Variants in COL22A1 observed in about 807,000 individuals in gnomAD.
The protein encoded by COL22A1 is collagen alpha-1(XXII) chain.
COL22A1 carries 221 observed loss-of-function variants against 248.9 expected under a neutral mutation model. The observed-to-expected ratio is 0.89, with a 90% CI of 0.80 to 0.99. The LOEUF (loss-of-function observed/expected upper bound fraction) is 0.99, where lower values mean the gene tolerates loss of function less well. COL22A1 is among the 50% of genes least tolerant of loss of function. The probability of loss-of-function intolerance (pLI) is 0.00; values close to 1 mark genes in which losing one functional copy is unlikely to be tolerated. For missense variants in COL22A1, 2,240 were observed against 2,179.0 expected (o/e 1.03, Z -0.56); for synonymous variants, 891 against 793.4 (o/e 1.12, Z -2.07).
At chr8:138,754,483 A>G (rs1163834147) in intron 21 of COL22A1, among the ~76,000 whole-genome samples, 1 of 152,260 alleles carries the variant, frequency 6.6e-6, no homozygotes. Flanking sequence ...ATGTTCATTT[A>G]TAAGTCAGTT....
In COL22A1 at chr8:138,688,979, A is replaced by T. The variant is rs1379452682; in HGVS notation, c.2809-9T>A. ...CTGAGGCCGGGAGCACCCTGTGGCA[A>T]GGAAGATTACGGACATGGTGAATTT... is the stretch of plus-strand genomic sequence containing the variant. On this transcript the variant is annotated splice_polypyrimidine_tract_variant and intron_variant, in intron 36 of 64. Transcript: ENST00000303045. The T allele has an allele frequency of 1.2e-6, 2 of 1,611,340 alleles. No individual in the cohort carries two copies. Among genetic ancestry groups the T allele is most frequent in the Admixed American group, 3.3e-5 (2 of 60,004 alleles).
rs551653462 is a variant in COL22A1 at position 138,881,236 on chromosome 8, G to A, written c.91+1846C>T. 2.3e-3 allele frequency among the ~76,000 whole-genome samples: 340 copies of A among 145,784 alleles called. 2 individuals are homozygous for A. The highest frequency in any genetic ancestry group is 3.8e-3 in the South Asian group (17 of 4,498). On this transcript the variant is annotated intron_variant, in intron 2 of 64. Coordinates refer to ENST00000303045, the MANE Select transcript of COL22A1 (RefSeq NM_152888.3). ...GGCACAGAAATCTCATGTTCCCTGC[G>A]TATAAAACAGGATGTTTACAGTTAT...
intron 18 of COL22A1, among the ~76,000 whole-genome samples, chr8:138,758,059 A>T (rs1178122118): frequency 2.6e-5 from 4 of 152,062 alleles, no homozygotes; most frequent in Non-Finnish European, 5.9e-5. Context: ...CTTTCCCCCA[A>T]CCTTGAACCA....
intron 5 of COL22A1, among the ~76,000 whole-genome samples, chr8:138,832,153 C>A (rs1269236669): frequency 6.6e-6 from 1 of 152,062 alleles, no homozygotes; most frequent in East Asian, 1.9e-4. Context: ...CCTATATAGT[C>A]CAAAAAGGGG....
At chr8:138,639,038 G>A (rs1177384145) in intron 47 of COL22A1, among the ~76,000 whole-genome samples, 1 of 152,124 alleles carries the variant, frequency 6.6e-6, no homozygotes, top group African/African-American at 2.4e-5. Flanking sequence ...ACTCTTCCAG[G>A]AACTCTGCCA....
At chr8:138,710,244 C>T (rs988767204) in intron 30 of COL22A1, among the ~76,000 whole-genome samples, 10 of 152,156 alleles carry the variant, frequency 6.6e-5, no homozygotes, top group Admixed American at 2.0e-4. Context: ...AGCTGCTCCA[C>T]GCAAGACAGT....
chr8:138,635,120 G>A, intron 48 of COL22A1, 57 bp from the exon 49 acceptor site: 2 of 1,388,430 alleles, frequency 1.4e-6, no homozygotes, highest in Non-Finnish European at 2.0e-6. Context: ...TTTTTACTTT[G>A]TGCAAATATC....
intron 2 of COL22A1, among the ~76,000 whole-genome samples, chr8:138,882,125 C>T (rs1215576456): frequency 2.6e-5 from 4 of 152,110 alleles, no homozygotes. Context: ...GTCCTCACCC[C>T]TGCCTCCTCC....
chr8:138,668,288 T>C (rs72727882), intron 41 of COL22A1, among the ~76,000 whole-genome samples: 2,526 of 152,234 alleles, frequency 0.017, 35 homozygotes, highest in Middle Eastern at 0.041. Flanking sequence ...AAAACCATGG[T>C]CATTGGCTGT....
At chr8:138,801,684 G>C (rs779295115) in intron 11 of COL22A1, among the ~76,000 whole-genome samples, 76 of 152,258 alleles carry the variant, frequency 5.0e-4, no homozygotes, top group Non-Finnish European at 9.6e-4. Context: ...TTTGAGACCA[G>C]CCTGGCCAAC....
intron 1 of COL22A1, among the ~76,000 whole-genome samples, chr8:138,909,130 A>G (rs7016566): frequency 0.55 from 84,149 of 152,134 alleles, 24,122 homozygotes; most frequent in East Asian, 0.84. Flanking sequence ...TATAATCACA[A>G]CGAAGCTTGT....
At chr8:138,660,929 C>T (rs1378338424) in intron 43 of COL22A1, among the ~76,000 whole-genome samples, 80 of 146,136 alleles carry the variant, frequency 5.5e-4, no homozygotes, top group African/African-American at 1.9e-3. Context: ...CACACACAGA[C>T]ACACAGACAC....
intron 1 of COL22A1, among the ~76,000 whole-genome samples, chr8:138,904,646 A>G (rs1587009958): frequency 6.6e-6 from 1 of 151,732 alleles, no homozygotes; most frequent in East Asian, 1.9e-4. Flanking sequence ...CACTTAGTAC[A>G]CTGTCTCAGT....
At chr8:138,636,532 A>AAAGGAACGGAAAGGAAAGGAAAGGC (rs59983327) in intron 48 of COL22A1, among the ~76,000 whole-genome samples, 1 of 82,340 alleles carries the variant, frequency 1.2e-5, no homozygotes, top group African/African-American at 3.4e-5. Flanking sequence ...AAAGGAAAGG[A>AAAGGAACGGAAAGGAAAGGAAAGGC]AAGGCAGGGA....
intron 1 of COL22A1, among the ~76,000 whole-genome samples, chr8:138,900,905 CA>C (rs1214515521): frequency 1.3e-5 from 2 of 151,838 alleles, no homozygotes; most frequent in African/African-American, 2.4e-5. Flanking sequence ...GATTTGAACA[CA>C]AAAAAAGCAG....
At chr8:138,806,683 G>C (rs1817758259) in intron 10 of COL22A1, among the ~76,000 whole-genome samples, 1 of 152,146 alleles carries the variant, frequency 6.6e-6, no homozygotes, top group Non-Finnish European at 1.5e-5. Flanking sequence ...AACAAGAAGG[G>C]ACCACCTGCA....
intron 16 of COL22A1, among the ~76,000 whole-genome samples, chr8:138,772,112 G>T (rs917199830): frequency 6.6e-6 from 1 of 152,050 alleles, no homozygotes; most frequent in African/African-American, 2.4e-5. Context: ...AAACCCACCC[G>T]CACATCGCCA....
intron 3 of COL22A1, among the ~76,000 whole-genome samples, chr8:138,848,023 T>C (rs1364122502): frequency 6.6e-6 from 1 of 152,214 alleles, no homozygotes; most frequent in Non-Finnish European, 1.5e-5. Context: ...AAATACAGAC[T>C]GAGTTACCTT....
At chr8:138,762,795 G>T (rs1833598720) in intron 16 of COL22A1, among the ~76,000 whole-genome samples, 1 of 152,166 alleles carries the variant, frequency 6.6e-6, no homozygotes, top group Non-Finnish European at 1.5e-5. Flanking sequence ...ATGGGTGAGT[G>T]GGGTCTGTAA....
Sources: gnomAD v4.1 joint callset for allele counts (sites outside exome capture counted in the v4.1 genomes callset) on GRCh38, gnomAD v4.1.1 for gene constraint, MANE v1.5 for transcripts, NCBI Gene and HGNC (gene_info 2026-07-23, HGNC 2026-07-21) for gene names.